ZNF407: variants seen among roughly 807,000 people sequenced by gnomAD.
ZNF407 encodes zinc finger protein 407.
A neutral mutation model predicts 131.2 loss-of-function variants in ZNF407; 17 were observed. The observed-to-expected ratio is 0.13, with a 90% CI of 0.09 to 0.19. The LOEUF (loss-of-function observed/expected upper bound fraction) is 0.19. Ranked by LOEUF, ZNF407 falls within the 10% of genes least tolerant of loss-of-function variation. The pLI is 1.00. For missense variants in ZNF407, 2,681 were observed against 2,830.6 expected (o/e 0.95, Z 1.20); for synonymous variants, 1,156 against 1,062.0 (o/e 1.09, Z -1.72).
At chr18:75,030,734 A>G (rs929260970) in intron 8 of ZNF407, among the ~76,000 whole-genome samples, 1 of 152,172 alleles carries the variant, frequency 6.6e-6, no homozygotes, top group Non-Finnish European at 1.5e-5. Flanking sequence ...TCTCATTTTA[A>G]CAGAGTAGGG....
At chr18:74,658,141 C>T (rs1415778494) in intron 3 of ZNF407, among the ~76,000 whole-genome samples, 4 of 150,296 alleles carry the variant, frequency 2.7e-5, no homozygotes, top group Non-Finnish European at 5.9e-5. Context: ...GAGACGGAGC[C>T]TCGCTCTGTA....
chr18:74,745,993 G>T (rs969142071), intron 3 of ZNF407, among the ~76,000 whole-genome samples: 1 of 152,130 alleles, frequency 6.6e-6, no homozygotes, highest in Non-Finnish European at 1.5e-5. Context: ...TCTGAGAAAT[G>T]AGTTAGGCGA....
chr18:74,799,336 A>C (rs1327378203), intron 4 of ZNF407, among the ~76,000 whole-genome samples: 2 of 152,170 alleles, frequency 1.3e-5, no homozygotes, highest in Non-Finnish European at 2.9e-5. Flanking sequence ...CACTGTGGGC[A>C]TAGGAAAACC....
chr18:74,787,583 A>G (rs923327456), intron 4 of ZNF407, among the ~76,000 whole-genome samples: 2 of 152,184 alleles, frequency 1.3e-5, no homozygotes, highest in South Asian at 4.1e-4. Context: ...TTAGGAAGCA[A>G]TGTCACCGGT....
intron 4 of ZNF407, among the ~76,000 whole-genome samples, chr18:74,829,118 CTTTACA>C (rs2070810576): frequency 6.6e-6 from 1 of 152,182 alleles, no homozygotes; most frequent in African/African-American, 2.4e-5. Context: ...TAATTCTAAT[CTTTACA>C]TTTACATAAA....
rs375934229 is a variant in ZNF407, at chr18:74,886,458, GGTTT to G, written c.5129-3453_5129-3450del. Among the ~76,000 whole-genome samples, 16 of 152,108 alleles carry G rather than the reference GGTTT, an allele frequency of 1.1e-4. 1 individual carries two copies. The highest frequency in any genetic ancestry group is 3.4e-3 in the Middle Eastern group (1 of 294). On this transcript the variant is annotated intron_variant, in intron 6 of 8. Transcript: ENST00000299687. ...TGACTGCATATGAAGGCTCAGAGAA[GGTTT>G]GTTTGTGGTAGTAGCCAAAAATGGA...
At chr18:74,915,074 C>A (rs985009597) in intron 7 of ZNF407, among the ~76,000 whole-genome samples, 15 of 152,118 alleles carry the variant, frequency 9.9e-5, no homozygotes, top group African/African-American at 3.6e-4. Context: ...TTAACTCTTT[C>A]ATAGGGAAAC....
intron 8 of ZNF407, 48 bp downstream of exon 8, chr18:74,920,740 G>T: frequency 6.4e-7 from 1 of 1,551,878 alleles, no homozygotes; most frequent in South Asian, 1.2e-5. Context: ...GATTTCATGT[G>T]ATCACAGCAG....
chr18:74,989,477 A>G (rs2122133621), intron 8 of ZNF407, among the ~76,000 whole-genome samples: 1 of 152,332 alleles, frequency 6.6e-6, no homozygotes, highest in Admixed American at 6.5e-5. Context: ...TTTAAGCGAG[A>G]AAGGGCACAT....
intron 3 of ZNF407, among the ~76,000 whole-genome samples, chr18:74,765,778 T>TA (rs767169349): frequency 2.1e-4 from 32 of 152,218 alleles, no homozygotes; most frequent in Non-Finnish European, 2.4e-4. Flanking sequence ...TTCTCCTAGC[T>TA]GCAGCTCTGT....
intron 7 of ZNF407, among the ~76,000 whole-genome samples, chr18:74,892,470 C>A (rs917818532): frequency 6.6e-6 from 1 of 152,158 alleles, no homozygotes; most frequent in Non-Finnish European, 1.5e-5. Context: ...GATGAGCGTC[C>A]GCCCTTGTTT....
intron 8 of ZNF407, among the ~76,000 whole-genome samples, chr18:75,022,932 G>A (rs8097910): frequency 0.99 from 150,489 of 152,300 alleles, 74,390 homozygotes; most frequent in East Asian, 1. Flanking sequence ...AGTTGACCCA[G>A]ATGCTCATCA....
chr18:74,626,192 A>G (rs914207612), intron 1 of ZNF407, among the ~76,000 whole-genome samples: 18 of 152,210 alleles, frequency 1.2e-4, no homozygotes, highest in African/African-American at 4.3e-4. Context: ...TAGAGTGACT[A>G]AAATTTAAAA....
intron 4 of ZNF407, among the ~76,000 whole-genome samples, chr18:74,862,203 T>A (rs1390033820): frequency 6.6e-6 from 1 of 152,248 alleles, no homozygotes; most frequent in African/African-American, 2.4e-5. Context: ...TTGTTGGTTA[T>A]TTTAAGCAGT....
At chr18:74,759,520 C>G (rs1969043793) in intron 3 of ZNF407, among the ~76,000 whole-genome samples, 1 of 151,422 alleles carries the variant, frequency 6.6e-6, no homozygotes, top group Admixed American at 6.6e-5. Context: ...TTCCTCTTCC[C>G]CCTCTTTCTT....
chr18:74,933,723 G>C (rs908479220), intron 8 of ZNF407, among the ~76,000 whole-genome samples: 21 of 152,120 alleles, frequency 1.4e-4, no homozygotes, highest in Non-Finnish European at 7.3e-5. Flanking sequence ...AGTGGAAGTG[G>C]GGAAGAGTGA....
At chr18:74,889,004 A>C (rs893319503) in intron 6 of ZNF407, among the ~76,000 whole-genome samples, 10 of 152,130 alleles carry the variant, frequency 6.6e-5, no homozygotes, top group African/African-American at 2.4e-4. Context: ...AGGTTATAAC[A>C]CTGTGTTTTT....
intron 8 of ZNF407, among the ~76,000 whole-genome samples, chr18:75,012,577 GA>G (rs926665872): frequency 5.9e-5 from 9 of 151,954 alleles, no homozygotes; most frequent in African/African-American, 2.2e-4. Flanking sequence ...TTGAAAATCT[GA>G]ATTAGACTAG....
intron 4 of ZNF407, among the ~76,000 whole-genome samples, chr18:74,835,410 T>G (rs1369566311): frequency 6.6e-6 from 1 of 152,170 alleles, no homozygotes; most frequent in African/African-American, 2.4e-5. Flanking sequence ...TGTGAATTGG[T>G]CCCCGCCTCT....
Sources: gnomAD v4.1 joint callset for allele counts (sites outside exome capture counted in the v4.1 genomes callset) on GRCh38, gnomAD v4.1.1 for gene constraint, MANE v1.5 for transcripts, NCBI Gene and HGNC (gene_info 2026-07-23, HGNC 2026-07-21) for gene names.